UGT1A5: variants seen among roughly 807,000 people sequenced by gnomAD.
The protein encoded by UGT1A5 is UDP glucuronosyltransferase family 1 member A5, also known as UDP-glucuronosyltransferase 1A5.
Under a neutral mutation model 40.3 loss-of-function variants are expected in UGT1A5, and 29 were observed. The ratio of observed to expected loss-of-function variants is 0.72; its 90% confidence interval spans 0.54 to 0.98. The LOEUF is 0.98. UGT1A5 is among the 50% of genes least tolerant of loss of function. UGT1A5 has a pLI of 0.00. For synonymous variants in UGT1A5, 257 were observed against 262.5 expected (o/e 0.98, Z 0.20); for missense variants, 678 against 677.9 (o/e 1.00, Z 0.00).
chr2:233,736,427 G>A (rs986034532), intron 1 of UGT1A5, among the ~76,000 whole-genome samples: 6 of 152,022 alleles, frequency 3.9e-5, no homozygotes, highest in Admixed American at 3.3e-4. Flanking sequence ...TTTTTTCAAG[G>A]TTCAACCTTC....
At chr2:233,724,792 G>T (rs992945436) in intron 1 of UGT1A5, among the ~76,000 whole-genome samples, 1 of 140,672 alleles carries the variant, frequency 7.1e-6, no homozygotes, top group African/African-American at 2.8e-5. Context: ...CTTCCCAGAC[G>T]GGGTGGCGGC....
chr2:233,770,134 A>T (rs1182793290), intron 4 of UGT1A5: 14 of 152,284 alleles, frequency 9.2e-5, no homozygotes, highest in African/African-American at 3.4e-4. Flanking sequence ...AAAGTCCTCT[A>T]ATACATTATT....
At chr2:233,754,997 G>A in intron 1 of UGT1A5, 1 of 1,294,706 alleles carries the variant, frequency 7.7e-7, no homozygotes. Context: ...CACGGAAGCT[G>A]AAGACCTACT....
chr2:233,713,708 T>C lies in UGT1A5; in HGVS notation c.717T>C (p.Phe239=). 4 of 1,613,978 alleles carry C rather than the reference T, an allele frequency of 2.5e-6. No homozygotes were observed. Among genetic ancestry groups the C allele is most frequent in the Non-Finnish European group, 3.4e-6 (4 of 1,179,872 alleles). The change falls in exon 1 of 5, where the codon TTT becomes TTC. Residue 239 remains phenylalanine, a synonymous_variant. Transcript: ENST00000373414. ...APYASLASEL[F]QREVSVVDLV... The stretch of plus-strand genomic sequence containing the variant: ...ATGCAAGCCTTGCCTCTGAGCTTTT[T>C]CAGAGAGAGGTGTCAGTGGTGGATC...
chr2:233,724,157 G>A (rs1410071236), intron 1 of UGT1A5, among the ~76,000 whole-genome samples: 2 of 119,956 alleles, frequency 1.7e-5, no homozygotes, highest in African/African-American at 7.4e-5. Flanking sequence ...GCCGGGTGGG[G>A]GGGCTGACCC....
intron 1 of UGT1A5, among the ~76,000 whole-genome samples, chr2:233,739,663 T>C (rs1172475020): frequency 6.6e-6 from 1 of 152,246 alleles, no homozygotes; most frequent in Non-Finnish European, 1.5e-5. Context: ...ACCCCCATTG[T>C]GTCTTGGAAG....
At chr2:233,714,144 C>G (rs1160387494) in intron 1 of UGT1A5, among the ~76,000 whole-genome samples, 1 of 152,184 alleles carries the variant, frequency 6.6e-6, no homozygotes, top group Admixed American at 6.5e-5. Flanking sequence ...AAAGCACCAT[C>G]TTCATGGCTG....
At chr2:233,738,036 C>T (rs28899194) in intron 1 of UGT1A5, among the ~76,000 whole-genome samples, 5,195 of 152,206 alleles carry the variant, frequency 0.034, 100 homozygotes, top group African/African-American at 0.051. Context: ...ATAATCCCCA[C>T]GTGTTGAGGA....
chr2:233,745,888 G>A (rs1423875334), intron 1 of UGT1A5, among the ~76,000 whole-genome samples: 1 of 151,512 alleles, frequency 6.6e-6, no homozygotes, highest in African/African-American at 2.4e-5. Flanking sequence ...TGTTGGTGGG[G>A]TGGCGTTTTT....
intron 1 of UGT1A5, among the ~76,000 whole-genome samples, chr2:233,722,610 G>T (rs1001116668): frequency 5.9e-5 from 9 of 152,028 alleles, no homozygotes; most frequent in Non-Finnish European, 1.3e-4. Context: ...CTTTACATTT[G>T]ATTTTTCTTA....
At chr2:233,751,100 G>T (rs895970679) in intron 1 of UGT1A5, among the ~76,000 whole-genome samples, 1 of 151,922 alleles carries the variant, frequency 6.6e-6, no homozygotes, top group Non-Finnish European at 1.5e-5. Flanking sequence ...GGAGGGCTTT[G>T]CCCTGCAAGC....
intron 1 of UGT1A5, chr2:233,729,916 G>A (rs2077948862): frequency 6.2e-7 from 1 of 1,614,016 alleles, no homozygotes; most frequent in African/African-American, 1.3e-5. Flanking sequence ...CTTTGTGATG[G>A]ACTACCCCAG....
chr2:233,763,174 C>A (rs528142938), intron 1 of UGT1A5, among the ~76,000 whole-genome samples: 1 of 152,302 alleles, frequency 6.6e-6, no homozygotes, highest in East Asian at 1.9e-4. Context: ...GTGTTGACTA[C>A]ATATTTGTTG....
At chr2:233,726,002 C>T (rs1052114071) in intron 1 of UGT1A5, among the ~76,000 whole-genome samples, 2 of 151,912 alleles carry the variant, frequency 1.3e-5, no homozygotes, top group African/African-American at 4.8e-5. Flanking sequence ...TGCATCTCTA[C>T]AAAAAATCAA....
intron 1 of UGT1A5, chr2:233,754,796 A>T (rs1379144475): frequency 8.1e-7 from 1 of 1,232,848 alleles, no homozygotes; most frequent in African/African-American, 1.5e-5. Context: ...GAAATCCTGT[A>T]TCAAAAGAAG....
rs2076302017 is a variant in UGT1A5 at position 233,713,286 on chromosome 2, T to G, written c.295T>G (p.Ser99Ala). ...FDRLLLGHTQ[S>A]FFETEHLLMK... ...TCGCCTTTTGCTGGGTCACACTCAA[T>G]CGTTCTTTGAAACAGAACATCTTCT... is the stretch of plus-strand genomic sequence containing the variant. Residue 99 changes from serine (S) to alanine (A), a missense_variant, in exon 1 of 5, where the codon TCG becomes GCG. Physicochemically the swap from Ser to Ala is moderately conservative, Grantham distance 99. Coordinates refer to ENST00000373414, the MANE Select transcript of UGT1A5 (RefSeq NM_019078.2). 1.2e-6 allele frequency: 2 copies of G among 1,614,222 alleles called. No homozygotes were observed. The highest frequency in any genetic ancestry group is 1.7e-6 in the Non-Finnish European group (2 of 1,180,040).
chr2:233,771,260 CT>C (rs891018282), intron 4 of UGT1A5: 2 of 151,568 alleles, frequency 1.3e-5, no homozygotes, highest in Non-Finnish European at 1.5e-5. Context: ...ATAGGAGTGC[CT>C]TTTTTTTTCT....
At chr2:233,742,375 GC>G (rs1691959490) in intron 1 of UGT1A5, among the ~76,000 whole-genome samples, 1 of 151,984 alleles carries the variant, frequency 6.6e-6, no homozygotes, top group Non-Finnish European at 1.5e-5. Flanking sequence ...TGTCCTTAAG[GC>G]ACAGATGGCT....
intron 1 of UGT1A5, chr2:233,743,214 G>T (rs1433363859): frequency 4.9e-6 from 2 of 406,726 alleles, no homozygotes; most frequent in Non-Finnish European, 9.7e-6. Context: ...CGGAGTAACT[G>T]CTCTTTGCTA....
Sources: allele counts gnomAD v4.1 joint callset (sites outside exome capture counted in the v4.1 genomes callset), GRCh38; gene constraint gnomAD v4.1.1; transcripts MANE v1.5; gene names NCBI Gene and HGNC (gene_info 2026-07-23, HGNC 2026-07-21).